Variants in NFASC observed in about 807,000 individuals in gnomAD.
NFASC encodes neurofascin homolog.
NFASC carries 43 observed loss-of-function variants against 147.5 expected under a neutral mutation model. The observed-to-expected ratio is 0.29, with a 90% CI of 0.23 to 0.38. The LOEUF (loss-of-function observed/expected upper bound fraction) is 0.38. Among genes scored for constraint, NFASC ranks in the 10% least tolerant of loss-of-function variants. NFASC has a pLI of 1.00. For synonymous variants in NFASC, 622 were observed against 665.5 expected (o/e 0.93, Z 1.01); for missense variants, 1,320 against 1,689.0 (o/e 0.78, Z 3.83).
intron 1 of NFASC, among the ~76,000 whole-genome samples, chr1:204,836,147 T>C (rs1246514782): frequency 1.3e-5 from 2 of 152,198 alleles, no homozygotes; most frequent in Admixed American, 1.3e-4. Context: ...GATATGTGTG[T>C]GCATGTATGT....
At chr1:204,907,688 C>G (rs2086298519) in intron 1 of NFASC, among the ~76,000 whole-genome samples, 1 of 152,200 alleles carries the variant, frequency 6.6e-6, no homozygotes, top group African/African-American at 2.4e-5. Flanking sequence ...TTTCAAAAAC[C>G]TTCTCCTCTT....
intron 1 of NFASC, among the ~76,000 whole-genome samples, chr1:204,831,136 A>C (rs1010019554): frequency 4.6e-5 from 7 of 152,172 alleles, no homozygotes; most frequent in Non-Finnish European, 8.8e-5. Context: ...TGATGTTGAA[A>C]TGCTTGACTG....
chr1:204,961,074 G>T (rs978829855), intron 8 of NFASC, among the ~76,000 whole-genome samples: 3 of 152,170 alleles, frequency 2.0e-5, no homozygotes, highest in Non-Finnish European at 1.5e-5. Context: ...TTGGCTTCCA[G>T]TCAGCTGTAT....
At chr1:204,959,926 A>C (rs1017432801) in intron 8 of NFASC, among the ~76,000 whole-genome samples, 2 of 152,246 alleles carry the variant, frequency 1.3e-5, no homozygotes, top group Admixed American at 6.5e-5. Flanking sequence ...CTTTCCTCCG[A>C]ATGGCGAGAG....
chr1:204,932,707 C>A (rs1013245331), intron 2 of NFASC, among the ~76,000 whole-genome samples: 2 of 152,280 alleles, frequency 1.3e-5, no homozygotes, highest in African/African-American at 4.8e-5. Context: ...GTTCAGTAGT[C>A]GTGACAGAAA....
chr1:204,998,793 A>C (rs919138851), intron 25 of NFASC: 2 of 152,222 alleles, frequency 1.3e-5, no homozygotes, highest in African/African-American at 4.8e-5. Context: ...ACCAAAAATG[A>C]AGAAAGGAAG....
At position 205,015,554 on chromosome 1, in the gene NFASC, C is replaced by A. The variant is rs571325502; in HGVS notation, c.3492-754C>A. 6.6e-6 allele frequency among the ~76,000 whole-genome samples: 1 copy of A among 152,150 alleles called. No individual in the cohort carries two copies. Among genetic ancestry groups the A allele is most frequent in the Non-Finnish European group, 1.5e-5 (1 of 68,024 alleles). Reference sequence around the variant, plus strand: ...TTACTCGGCAGCCTCCCAGCTCTCCCTGCACAAGGGGAGCTTAGGGTCAGG... The same window carrying A: ...TTACTCGGCAGCCTCCCAGCTCTCCATGCACAAGGGGAGCTTAGGGTCAGG... On this transcript the variant is annotated intron_variant, in intron 29 of 29. Coordinates refer to ENST00000339876, the MANE Select transcript of NFASC (RefSeq NM_001005388.3). The surrounding 1 kb of genome is among the most constrained non-coding windows in gnomAD (Gnocchi z 4.0).
chr1:204,918,324 CACAAATTCATAA>C lies in NFASC; in HGVS notation c.-199-2305_-199-2294del, dbSNP rs543463083. Among the ~76,000 whole-genome samples, 34 of 152,288 alleles carry C rather than the reference CACAAATTCATAA, an allele frequency of 2.2e-4. 1 individual carries two copies. The South Asian group carries it at 6.4e-3, about 29-fold the overall frequency. ...CAGGATGGCTTTAAATGCAGCTCAA[CACAAATTCATAA>C]ACTTTCTCAAAACATGGATTTTTTT... On this transcript the variant is annotated intron_variant, in intron 1 of 29. Transcript: ENST00000339876.
At chr1:204,985,208 T>A (rs1260172451) in intron 21 of NFASC, among the ~76,000 whole-genome samples, 1 of 152,158 alleles carries the variant, frequency 6.6e-6, no homozygotes, top group Non-Finnish European at 1.5e-5. Context: ...TACCCACTGC[T>A]AATTAGAGAC....
rs1025486572 is a variant in NFASC, at chr1:204,870,827, G to A, written c.-200+42045G>A. On this transcript the variant is annotated intron_variant, in intron 1 of 29. Coordinates refer to ENST00000339876, the MANE Select transcript of NFASC (RefSeq NM_001005388.3). ...GGAGGGCTGGGGAGGTGGCCGATGG[G>A]GGTGACAAGGAGCAGGGAAGCCAGG... The A allele has an allele frequency of 4.2e-6, 5 of 1,180,370 alleles. No individual in the cohort carries two copies. In the African/African-American group the frequency reaches 6.4e-5, roughly 15 times the overall value. The allele number at this position is 1,180,370 out of a possible 1,614,324, so 73.1% of individuals were successfully genotyped here.
intron 2 of NFASC, among the ~76,000 whole-genome samples, chr1:204,928,325 C>T (rs1410533144): frequency 2.0e-5 from 3 of 152,160 alleles, no homozygotes; most frequent in Non-Finnish European, 4.4e-5. Flanking sequence ...TGAGGAAAAA[C>T]CCCACAGCCC....
chr1:204,885,546 A>G (rs746358384), intron 1 of NFASC, among the ~76,000 whole-genome samples: 1 of 152,232 alleles, frequency 6.6e-6, no homozygotes, highest in Non-Finnish European at 1.5e-5. Context: ...AGAATTGACC[A>G]GGGCTGGTGC....
chr1:204,862,020 A>G (rs2076726268), intron 1 of NFASC, among the ~76,000 whole-genome samples: 2 of 152,312 alleles, frequency 1.3e-5, no homozygotes, highest in Admixed American at 6.5e-5. Context: ...ATTTACTCAT[A>G]CATGTGCTGT....
At chr1:204,982,442 T>C (rs1417048222) in intron 21 of NFASC, among the ~76,000 whole-genome samples, 1 of 152,108 alleles carries the variant, frequency 6.6e-6, no homozygotes, top group African/African-American at 2.4e-5. Flanking sequence ...ATTAGACACT[T>C]CTGTAGGAAG....
intron 1 of NFASC, among the ~76,000 whole-genome samples, chr1:204,835,213 CTTTTTTTTTTTTT>C: frequency 1.2e-5 from 1 of 80,590 alleles, no homozygotes; most frequent in South Asian, 4.7e-4. Flanking sequence ...TGAGGTGGGT[CTTTTTTTTTTTTT>C]TTTTTTTTTT....
intron 5 of NFASC, among the ~76,000 whole-genome samples, chr1:204,952,367 G>A (rs564585600): frequency 2.0e-5 from 3 of 152,192 alleles, no homozygotes; most frequent in Non-Finnish European, 4.4e-5. Context: ...CTGACTTTCC[G>A]TATAACATTC....
At chr1:204,845,069 C>T (rs1558488567) in intron 1 of NFASC, among the ~76,000 whole-genome samples, 1 of 152,104 alleles carries the variant, frequency 6.6e-6, no homozygotes, top group African/African-American at 2.4e-5. Context: ...GGACTTTCCC[C>T]CTACTTCCCT....
chr1:204,904,047 TA>T (rs1369580100), intron 1 of NFASC, among the ~76,000 whole-genome samples: 1 of 152,220 alleles, frequency 6.6e-6, no homozygotes, highest in African/African-American at 2.4e-5. Flanking sequence ...TTGGACAAGT[TA>T]TTTAACATCG....
chr1:204,935,251 C>T (rs953080944), intron 2 of NFASC, among the ~76,000 whole-genome samples: 2 of 152,070 alleles, frequency 1.3e-5, no homozygotes, highest in African/African-American at 4.8e-5. Context: ...AGAGTGATTG[C>T]CGTAAAGACA....
Sources: allele counts gnomAD v4.1 joint callset (sites outside exome capture counted in the v4.1 genomes callset), GRCh38; gene constraint gnomAD v4.1.1; non-coding constraint Gnocchi (gnomAD v3.1); transcripts MANE v1.5; gene names NCBI Gene and HGNC (gene_info 2026-07-23, HGNC 2026-07-21).